THNSL1: variants seen among roughly 807,000 people sequenced by gnomAD.
THNSL1 encodes the protein threonine synthase like 1, also known as threonine synthase-like 1.
Under a neutral mutation model 50.4 loss-of-function variants are expected in THNSL1, and 48 were observed. The observed-to-expected ratio is 0.95, with a 90% CI of 0.76 to 1.21. The LOEUF (loss-of-function observed/expected upper bound fraction) is 1.21. Among genes scored for constraint, THNSL1 ranks in the 50% most tolerant of loss-of-function variants. The pLI, the probability that THNSL1 is intolerant of heterozygous loss-of-function variation, is 0.00. For synonymous variants in THNSL1, 309 were observed against 306.1 expected, an observed-to-expected ratio of 1.01 and a Z score of -0.10; for missense variants, 896 against 871.7, an observed-to-expected ratio of 1.03 and a Z score of -0.35.
the THNSL1 span, among the ~76,000 whole-genome samples, chr10:24,989,596 A>G: frequency 6.6e-6 from 1 of 152,246 alleles, no homozygotes; most frequent in Non-Finnish European, 1.5e-5. Flanking sequence ...AGATATTTTA[A>G]AAAATCTTAT....
the THNSL1 span, among the ~76,000 whole-genome samples, chr10:24,989,417 G>T: frequency 6.6e-6 from 1 of 152,142 alleles, no homozygotes; most frequent in East Asian, 1.9e-4. Context: ...GGGACATGCC[G>T]TCACTCTACA....
chr10:25,007,770 AT>A, the THNSL1 span, among the ~76,000 whole-genome samples: 3 of 152,074 alleles, frequency 2.0e-5, no homozygotes, highest in Admixed American at 6.6e-5. Flanking sequence ...GTAACTCAAA[AT>A]AAACATTAAG....
At chr10:24,963,962 G>A in the THNSL1 span, among the ~76,000 whole-genome samples, 445 of 152,264 alleles carry the variant, frequency 2.9e-3, 2 homozygotes, top group African/African-American at 0.011. Flanking sequence ...ACCCAGGTTT[G>A]TAAAACGCCA....
chr10:25,016,101 C>T (rs1289013862), upstream of THNSL1: 2 of 1,300,972 alleles, frequency 1.5e-6, no homozygotes, highest in African/African-American at 1.5e-5. Context: ...TCTTAGCAGT[C>T]CTCTCTCGGG....
the THNSL1 span, among the ~76,000 whole-genome samples, chr10:25,004,606 G>C: frequency 1.3e-5 from 2 of 152,174 alleles, no homozygotes; most frequent in Non-Finnish European, 2.9e-5. Context: ...CTTTTTAATA[G>C]CATTATTTGT....
At chr10:25,014,297 C>T (rs1020682055), upstream of THNSL1, among the ~76,000 whole-genome samples, 2 of 152,162 alleles carry the variant, frequency 1.3e-5, no homozygotes, top group Non-Finnish European at 2.9e-5. Flanking sequence ...TGTAAATTGA[C>T]TTTAACCTAA....
At chr10:24,983,084 A>G in the THNSL1 span, 3 of 152,236 alleles carry the variant, frequency 2.0e-5, no homozygotes, top group Non-Finnish European at 4.4e-5. Flanking sequence ...GACTGCCTGG[A>G]TCAACAGAGT....
the THNSL1 span, among the ~76,000 whole-genome samples, chr10:24,972,891 C>T: frequency 6.6e-6 from 1 of 152,120 alleles, no homozygotes; most frequent in Non-Finnish European, 1.5e-5. Flanking sequence ...CATTCTAAGA[C>T]CCCCAGTGAA....
chr10:24,974,006 G>A, the THNSL1 span, among the ~76,000 whole-genome samples: 9 of 151,946 alleles, frequency 5.9e-5, no homozygotes, highest in Admixed American at 2.0e-4. Flanking sequence ...CACCCACCTC[G>A]GCCTCCCAAG....
At chr10:24,999,432 C>A in the THNSL1 span, 1 of 1,611,562 alleles carries the variant, frequency 6.2e-7, no homozygotes, top group Non-Finnish European at 8.5e-7. Flanking sequence ...TTGAATGTTT[C>A]TTTAGGAAAT....
chr10:24,969,820 A>G, the THNSL1 span, among the ~76,000 whole-genome samples: 1 of 152,260 alleles, frequency 6.6e-6, no homozygotes, highest in Non-Finnish European at 1.5e-5. Context: ...TTGAACTTGC[A>G]TCTGCTAAGC....
At chr10:24,958,035 T>C in the THNSL1 span, among the ~76,000 whole-genome samples, 1 of 152,214 alleles carries the variant, frequency 6.6e-6, no homozygotes. Flanking sequence ...AAATCTGTAA[T>C]TGAAGGAACA....
At chr10:24,990,387 A>C in the THNSL1 span, 10 of 1,516,822 alleles carry the variant, frequency 6.6e-6, no homozygotes, top group South Asian at 1.3e-4. Flanking sequence ...GACTTTAATC[A>C]TCAAAGTGAT....
chr10:24,965,802 C>G, the THNSL1 span, among the ~76,000 whole-genome samples: 2 of 152,094 alleles, frequency 1.3e-5, no homozygotes, highest in Non-Finnish European at 2.9e-5. Flanking sequence ...AAGTCGTGGG[C>G]CTATAAACTT....
At chr10:24,974,195 T>C in the THNSL1 span, among the ~76,000 whole-genome samples, 16 of 152,214 alleles carry the variant, frequency 1.1e-4, no homozygotes, top group Admixed American at 3.3e-4. Context: ...AGAAAAATAT[T>C]AGTAAATTTA....
chr10:25,012,895 T>G (rs1198751960), upstream of THNSL1, among the ~76,000 whole-genome samples: 1 of 152,182 alleles, frequency 6.6e-6, no homozygotes, highest in Admixed American at 6.5e-5. Flanking sequence ...TGATATGGTT[T>G]GGCTGCATCC....
At chr10:25,023,067 T>C in intron 2 of THNSL1, 109 bp from the exon 3 acceptor site, 1 of 709,998 alleles carries the variant, frequency 1.4e-6, no homozygotes, top group Non-Finnish European at 2.3e-6. Flanking sequence ...AAACAGTTTA[T>C]GTACCATGGG....
upstream of THNSL1, chr10:25,015,891 T>C: frequency 5.6e-6 from 9 of 1,606,538 alleles, no homozygotes; most frequent in Non-Finnish European, 7.7e-6. Context: ...TTCAAGTCAC[T>C]GGGTATGAGG....
chr10:24,983,238 C>A, the THNSL1 span: 1 of 152,122 alleles, frequency 6.6e-6, no homozygotes, highest in Admixed American at 6.5e-5. Flanking sequence ...GTTAAAGCAA[C>A]TTAAGTTGCT....
Sources: gnomAD v4.1 joint callset for allele counts (sites outside exome capture counted in the v4.1 genomes callset) on GRCh38, gnomAD v4.1.1 for gene constraint, MANE v1.5 for transcripts, NCBI Gene and HGNC (gene_info 2026-07-23, HGNC 2026-07-21) for gene names.